CDH18: variants seen among roughly 807,000 people sequenced by gnomAD.
CDH18 encodes the protein cadherin-18.
In CDH18, 31 loss-of-function variants were observed where a neutral mutation model predicts 67.9. The observed-to-expected ratio is 0.46, with a 90% CI of 0.34 to 0.62. The LOEUF is 0.62. Among genes scored for constraint, CDH18 ranks in the 20% least tolerant of loss-of-function variants. The pLI is 0.01. For synonymous variants in CDH18, 362 were observed against 347.2 expected, an observed-to-expected ratio of 1.04 and a Z score of -0.48; for missense variants, 890 against 975.5, an observed-to-expected ratio of 0.91 and a Z score of 1.17.
intron 12 of CDH18, among the ~76,000 whole-genome samples, chr5:19,477,129 G>T (rs1048994614): frequency 1.4e-5 from 2 of 146,980 alleles, no homozygotes; most frequent in African/African-American, 4.9e-5. Context: ...AATAAAAGGA[G>T]ATATATATAT....
chr5:19,968,309 A>G (rs1797673471), intron 2 of CDH18, among the ~76,000 whole-genome samples: 1 of 152,134 alleles, frequency 6.6e-6, no homozygotes, highest in South Asian at 2.1e-4. Flanking sequence ...TCAAGCTACC[A>G]ATGACTTTCT....
At position 20,316,538 on chromosome 5, in the gene CDH18, C is replaced by T. The variant is rs565906373; in HGVS notation, c.-579-61033G>A. 5.9e-5 allele frequency among the ~76,000 whole-genome samples: 9 copies of T among 151,922 alleles called. No homozygotes were observed. The South Asian group carries it at 8.3e-4, about 14-fold the overall frequency. ...CAGTTGTAATTGAGGCAGTGCTATTCGGAATAGAAAGCTGTCAAGTTTATT... is the reference window on the plus strand; with the variant it reads ...CAGTTGTAATTGAGGCAGTGCTATTTGGAATAGAAAGCTGTCAAGTTTATT... On this transcript the variant is annotated intron_variant, in intron 1 of 14. Coordinates refer to the CDH18 transcript ENST00000507958.
intron 2 of CDH18, among the ~76,000 whole-genome samples, chr5:20,254,079 A>T (rs890646698): frequency 6.6e-6 from 1 of 152,184 alleles, no homozygotes; most frequent in Admixed American, 6.5e-5. Flanking sequence ...TTTACAAGCC[A>T]GAAGAGACTG....
At chr5:20,273,459 A>G (rs966362143) in intron 1 of CDH18, among the ~76,000 whole-genome samples, 2 of 152,064 alleles carry the variant, frequency 1.3e-5, no homozygotes, top group African/African-American at 4.8e-5. Context: ...TCAGAAAAAT[A>G]TTAAAATGAT....
intron 1 of CDH18, among the ~76,000 whole-genome samples, chr5:20,540,876 G>C (rs1476713684): frequency 1.3e-5 from 2 of 152,168 alleles, no homozygotes; most frequent in Non-Finnish European, 2.9e-5. Context: ...ACCAATGAAA[G>C]CAGTTGCTGG....
intron 2 of CDH18, chr5:19,878,220 TGAGA>T (rs1174590845): frequency 2.6e-5 from 4 of 152,130 alleles, no homozygotes; most frequent in South Asian, 4.1e-4. Context: ...CCAATATTTT[TGAGA>T]GAGACAGCCA....
rs568482624 is a variant in CDH18, at chr5:20,283,868, A to G, written c.-579-28363T>C. 1.4e-4 allele frequency among the ~76,000 whole-genome samples: 22 copies of G among 152,162 alleles called. No individual in the cohort carries two copies. The East Asian group carries it at 4.1e-3, about 28-fold the overall frequency. Reference sequence around the variant, plus strand: ...AAGCAAATTAAATTTCCATTGACATAAATCAAGAAAATGTGGTACATATAC... The same window carrying G: ...AAGCAAATTAAATTTCCATTGACATGAATCAAGAAAATGTGGTACATATAC... On this transcript the variant is annotated intron_variant, in intron 1 of 14. Transcript: ENST00000507958.
At chr5:19,764,262 T>C (rs1772776190) in intron 3 of CDH18, among the ~76,000 whole-genome samples, 1 of 151,440 alleles carries the variant, frequency 6.6e-6, no homozygotes, top group Non-Finnish European at 1.5e-5. Flanking sequence ...CAAAAAGGAA[T>C]GTAAAGATCT....
rs534397441 is a variant in CDH18, at chr5:19,570,150, G to A, written c.1253+1429C>T. On this transcript the variant is annotated intron_variant, in intron 8 of 12. Coordinates refer to ENST00000382275, the MANE Select transcript of CDH18 (RefSeq NM_004934.5). ...CCTGAACAAATCATACTTACTGTTTGGGGTCAAAAGTATAATTAAAAACAT... is the reference window on the plus strand; with the variant it reads ...CCTGAACAAATCATACTTACTGTTTAGGGTCAAAAGTATAATTAAAAACAT... 4.6e-5 allele frequency among the ~76,000 whole-genome samples: 7 copies of A among 151,962 alleles called. 1 individual carries two copies. The South Asian group carries it at 1.2e-3, about 27-fold the overall frequency.
At chr5:20,089,540 A>G (rs1404614064) in intron 2 of CDH18, among the ~76,000 whole-genome samples, 1 of 152,136 alleles carries the variant, frequency 6.6e-6, no homozygotes, top group Non-Finnish European at 1.5e-5. Flanking sequence ...TTTGACTTAG[A>G]TAGATTATGA....
At chr5:20,434,654 T>A (rs925746277) in intron 1 of CDH18, among the ~76,000 whole-genome samples, 3 of 152,008 alleles carry the variant, frequency 2.0e-5, no homozygotes, top group African/African-American at 4.8e-5. Context: ...ATATTCTATT[T>A]CTTAAGTCTT....
At chr5:20,520,092 G>A (rs7356692) in intron 1 of CDH18, among the ~76,000 whole-genome samples, 3,482 of 150,792 alleles carry the variant, frequency 0.023, 129 homozygotes, top group African/African-American at 0.08. Flanking sequence ...GAGCCACCAC[G>A]CCCAGCAGCA....
chr5:19,492,584 G>C (rs2126678419), intron 11 of CDH18, among the ~76,000 whole-genome samples: 1 of 151,958 alleles, frequency 6.6e-6, no homozygotes, highest in East Asian at 1.9e-4. Flanking sequence ...ATACTTTTTT[G>C]TTGTTTTAGA....
intron 1 of CDH18, among the ~76,000 whole-genome samples, chr5:20,512,965 G>C (rs547322328): frequency 6.6e-6 from 1 of 151,542 alleles, no homozygotes; most frequent in Non-Finnish European, 1.5e-5. Context: ...ACATGCACTC[G>C]TCAGTCACAA....
In CDH18 at chr5:20,523,340, C is replaced by T. The variant is rs552992055; in HGVS notation, c.-580+52122G>A. The stretch of plus-strand genomic sequence containing the variant: ...GCTGGCTGAGAAACAAGCATGCTTT[C>T]GGGCATTGCTTTCCCTCTGACAGCA... On this transcript the variant is annotated intron_variant, in intron 1 of 14. Transcript: ENST00000507958. Among the ~76,000 whole-genome samples, 22 of 152,248 alleles carry T rather than the reference C, an allele frequency of 1.4e-4. No individual in the cohort carries two copies. The East Asian group carries it at 2.1e-3, about 15-fold the overall frequency.
At chr5:20,302,840 T>C (rs1736070808) in intron 1 of CDH18, among the ~76,000 whole-genome samples, 1 of 152,142 alleles carries the variant, frequency 6.6e-6, no homozygotes, top group Non-Finnish European at 1.5e-5. Flanking sequence ...GGAATCAAAG[T>C]GGAAATTTAA....
intron 1 of CDH18, among the ~76,000 whole-genome samples, chr5:20,356,770 T>TACAC (rs1554122702): frequency 6.7e-6 from 1 of 148,752 alleles, no homozygotes; most frequent in African/African-American, 2.5e-5. Flanking sequence ...TATATATATA[T>TACAC]ACACATGCAC....
At chr5:20,171,379 T>C (rs1736695500) in intron 2 of CDH18, among the ~76,000 whole-genome samples, 1 of 152,136 alleles carries the variant, frequency 6.6e-6, no homozygotes, top group South Asian at 2.1e-4. Flanking sequence ...CCAGCATCTA[T>C]TATTTTTCAA....
At chr5:19,749,022 A>G (rs1268406900) in intron 3 of CDH18, among the ~76,000 whole-genome samples, 2 of 152,154 alleles carry the variant, frequency 1.3e-5, no homozygotes, top group African/African-American at 4.8e-5. Context: ...CTAAAAGAAG[A>G]ATGCAGAATG....
Sources: allele counts gnomAD v4.1 joint callset (sites outside exome capture counted in the v4.1 genomes callset), GRCh38; gene constraint gnomAD v4.1.1; transcripts MANE v1.5; gene names NCBI Gene and HGNC (gene_info 2026-07-23, HGNC 2026-07-21).